The following ASTN2 variants were observed in gnomAD, a reference collection of about 807,000 sequenced individuals.
ASTN2 encodes the protein astrotactin 2.
ASTN2 carries 54 observed loss-of-function variants against 139.8 expected under a neutral mutation model. The ratio of observed to expected loss-of-function variants is 0.39; its 90% CI spans 0.31 to 0.48. The LOEUF (loss-of-function observed/expected upper bound fraction) is 0.48. ASTN2 is among the 20% of genes least tolerant of loss of function. ASTN2 has a pLI of 0.95. For missense variants in ASTN2, 1,565 were observed against 1,725.1 expected (o/e 0.91, Z 1.64); for synonymous variants, 756 against 719.5 (o/e 1.05, Z -0.81).
At chr9:117,008,040 T>A in intron 7 of ASTN2, 52 bp downstream of exon 7, 1 of 1,486,358 alleles carries the variant, frequency 6.7e-7, no homozygotes, top group Non-Finnish European at 9.0e-7. Context: ...CAATGCCTCT[T>A]TCAACCCAGC....
intron 2 of ASTN2, among the ~76,000 whole-genome samples, chr9:117,273,255 C>T (rs184360557): frequency 1.5e-3 from 221 of 152,292 alleles, no homozygotes; most frequent in African/African-American, 4.7e-3. Context: ...GAAAGATCAA[C>T]CCCCATGATT....
chr9:117,202,534 G>A (rs1257334872), intron 3 of ASTN2, among the ~76,000 whole-genome samples: 1 of 152,142 alleles, frequency 6.6e-6, no homozygotes. Context: ...GGCAGGCCTG[G>A]TGGTAATGAA....
At chr9:117,255,319 C>T (rs1286551418) in intron 2 of ASTN2, among the ~76,000 whole-genome samples, 1 of 152,224 alleles carries the variant, frequency 6.6e-6, no homozygotes, top group Admixed American at 6.5e-5. Flanking sequence ...AAACAAGATG[C>T]ATTTCACCCT....
intron 1 of ASTN2, among the ~76,000 whole-genome samples, chr9:117,330,738 C>G (rs1167059511): frequency 6.6e-6 from 1 of 152,202 alleles, no homozygotes; most frequent in Non-Finnish European, 1.5e-5. Context: ...ACCCCAAATT[C>G]ACTGGGCAAT....
At chr9:117,208,620 A>G (rs1436688764) in intron 3 of ASTN2, among the ~76,000 whole-genome samples, 1 of 152,186 alleles carries the variant, frequency 6.6e-6, no homozygotes, top group East Asian at 1.9e-4. Context: ...TGGGAGAGAG[A>G]TGGACATCAA....
chr9:116,794,159 GC>G lies in ASTN2; in HGVS notation c.2396+11472del, dbSNP rs1157366175. On this transcript the variant is annotated intron_variant, in intron 13 of 22. Coordinates refer to ENST00000313400, the MANE Select transcript of ASTN2 (RefSeq NM_001365068.1). ...GTTGCCCAAGCTGGAGTGCAATGGT[GC>G]AATCTCGGTTCACCAAAACCTCCAC... 2.1e-5 allele frequency among the ~76,000 whole-genome samples: 3 copies of G among 146,122 alleles called. No individual in the cohort carries two copies. The East Asian group carries it at 6.2e-4, about 30-fold the overall frequency.
chr9:116,630,957 C>T (rs1856716962), intron 17 of ASTN2, among the ~76,000 whole-genome samples: 2 of 152,028 alleles, frequency 1.3e-5, no homozygotes, highest in Admixed American at 1.3e-4. Flanking sequence ...GAAAAAAATG[C>T]TTAACATCAC....
intron 13 of ASTN2, among the ~76,000 whole-genome samples, chr9:116,772,051 T>A (rs1253416715): frequency 1.3e-5 from 2 of 152,212 alleles, no homozygotes; most frequent in African/African-American, 4.8e-5. Flanking sequence ...ACAAAATATA[T>A]TAAATATTCT....
chr9:116,893,235 T>G (rs1191485675), intron 10 of ASTN2, among the ~76,000 whole-genome samples: 1 of 152,068 alleles, frequency 6.6e-6, no homozygotes, highest in African/African-American at 2.4e-5. Context: ...ATTCTTCTTT[T>G]TCCTTAATCT....
chr9:117,335,050 G>A (rs1376549640), intron 1 of ASTN2, among the ~76,000 whole-genome samples: 1 of 152,126 alleles, frequency 6.6e-6, no homozygotes, highest in Non-Finnish European at 1.5e-5. Flanking sequence ...GTGAGACTCT[G>A]TCTCAATAAA....
At chr9:117,365,181 CA>C (rs1371666843) in intron 1 of ASTN2, among the ~76,000 whole-genome samples, 2 of 86,206 alleles carry the variant, frequency 2.3e-5, no homozygotes, top group Admixed American at 1.2e-4. Context: ...ACAAAAACAA[CA>C]AAAAAAAGAA....
intron 7 of ASTN2, among the ~76,000 whole-genome samples, chr9:116,990,986 A>G (rs1836835304): frequency 6.6e-6 from 1 of 152,192 alleles, no homozygotes; most frequent in Non-Finnish European, 1.5e-5. Flanking sequence ...GTCCAAAGGA[A>G]GAGTCCTGGT....
chr9:117,400,326 A>C (rs949858015), intron 1 of ASTN2, among the ~76,000 whole-genome samples: 2 of 152,218 alleles, frequency 1.3e-5, no homozygotes, highest in East Asian at 3.9e-4. Flanking sequence ...CTCAGCCATC[A>C]GTCTTTCCAC....
chr9:116,888,795 C>CCT (rs950551417), intron 10 of ASTN2, among the ~76,000 whole-genome samples: 1 of 152,082 alleles, frequency 6.6e-6, no homozygotes, highest in African/African-American at 2.4e-5. Context: ...ACCTATCAAC[C>CCT]CATCACCTAG....
intron 19 of ASTN2, among the ~76,000 whole-genome samples, chr9:116,572,548 C>A (rs1588024121): frequency 6.7e-6 from 1 of 149,022 alleles, no homozygotes; most frequent in Admixed American, 6.6e-5. Context: ...ACTGAGTATT[C>A]GGCAGATGCG....
chr9:117,056,942 C>T (rs764210544), intron 5 of ASTN2, among the ~76,000 whole-genome samples: 1 of 152,174 alleles, frequency 6.6e-6, no homozygotes, highest in Admixed American at 6.5e-5. Flanking sequence ...AGCCTCATAT[C>T]CCCATATGTA....
chr9:117,029,400 G>A (rs572758086), intron 6 of ASTN2, among the ~76,000 whole-genome samples: 30 of 152,266 alleles, frequency 2.0e-4, no homozygotes, highest in African/African-American at 6.5e-4. Flanking sequence ...CTCCAGATAA[G>A]TGTCAATGGC....
At chr9:116,945,321 T>C (rs1183818804) in intron 10 of ASTN2, among the ~76,000 whole-genome samples, 1 of 152,070 alleles carries the variant, frequency 6.6e-6, no homozygotes, top group Non-Finnish European at 1.5e-5. Flanking sequence ...TTTCCCTGAG[T>C]CACACATGCA....
At chr9:116,518,918 T>C (rs1850758953) in intron 19 of ASTN2, among the ~76,000 whole-genome samples, 1 of 152,116 alleles carries the variant, frequency 6.6e-6, no homozygotes, top group African/African-American at 2.4e-5. Context: ...AGGTACATTA[T>C]ATAATGATTA....
Sources: gnomAD v4.1 joint callset for allele counts (sites outside exome capture counted in the v4.1 genomes callset) on GRCh38, gnomAD v4.1.1 for gene constraint, MANE v1.5 for transcripts, NCBI Gene and HGNC (gene_info 2026-07-23, HGNC 2026-07-21) for gene names.